SLC25A21: variants seen among roughly 807,000 people sequenced by gnomAD.
SLC25A21 encodes the protein solute carrier family 25 member 21.
Under a neutral mutation model 43.8 loss-of-function variants are expected in SLC25A21, and 47 were observed. The ratio of observed to expected loss-of-function variants is 1.07; its 90% confidence interval spans 0.85 to 1.37. The LOEUF is 1.37. Among genes scored for constraint, SLC25A21 ranks in the 40% most tolerant of loss-of-function variants. The probability of loss-of-function intolerance (pLI) is 0.00; values close to 1 mark genes in which losing one functional copy is unlikely to be tolerated. For missense variants in SLC25A21, 352 were observed against 350.2 expected (o/e 1.00, Z -0.04); for synonymous variants, 131 against 121.3 (o/e 1.08, Z -0.52).
intron 1 of SLC25A21, among the ~76,000 whole-genome samples, chr14:37,006,067 G>A (rs374753667): frequency 2.0e-5 from 3 of 152,276 alleles, no homozygotes; most frequent in African/African-American, 7.2e-5. Flanking sequence ...AAGTTTAGAT[G>A]TGACAAGGCA....
intron 1 of SLC25A21, among the ~76,000 whole-genome samples, chr14:37,130,705 T>C (rs1371104035): frequency 1.3e-5 from 2 of 152,198 alleles, no homozygotes; most frequent in African/African-American, 4.8e-5. Context: ...CCAGAGAAGA[T>C]CTGGTGGTTT....
At chr14:36,939,687 A>G (rs1892509579) in intron 1 of SLC25A21, among the ~76,000 whole-genome samples, 1 of 152,098 alleles carries the variant, frequency 6.6e-6, no homozygotes, top group South Asian at 2.1e-4. Context: ...AATGTATTTA[A>G]TATTTAAATA....
intron 1 of SLC25A21, among the ~76,000 whole-genome samples, chr14:37,053,814 G>A (rs1961761336): frequency 6.6e-6 from 1 of 152,132 alleles, no homozygotes; most frequent in Non-Finnish European, 1.5e-5. Flanking sequence ...CAACTAAAGA[G>A]TCTCACATTA....
intron 3 of SLC25A21, among the ~76,000 whole-genome samples, chr14:36,755,501 T>C (rs897741076): frequency 6.6e-6 from 1 of 152,142 alleles, no homozygotes; most frequent in African/African-American, 2.4e-5. Context: ...CAAACTCCCA[T>C]GGGGCATGGC....
At chr14:37,031,761 A>C (rs992154534) in intron 1 of SLC25A21, among the ~76,000 whole-genome samples, 15 of 152,210 alleles carry the variant, frequency 9.9e-5, no homozygotes, top group African/African-American at 3.4e-4. Context: ...CTATCATTCC[A>C]CAGCCATCAT....
At chr14:36,988,508 G>A (rs989677801) in intron 1 of SLC25A21, among the ~76,000 whole-genome samples, 2 of 152,088 alleles carry the variant, frequency 1.3e-5, no homozygotes, top group Admixed American at 6.6e-5. Context: ...AAGCCAAAAT[G>A]GGAAATTTTC....
At chr14:37,070,887 C>G (rs1364260027) in intron 1 of SLC25A21, among the ~76,000 whole-genome samples, 1 of 152,142 alleles carries the variant, frequency 6.6e-6, no homozygotes, top group African/African-American at 2.4e-5. Flanking sequence ...TCAGGTTCAC[C>G]TCATCTTAAT....
chr14:37,133,928 G>A (rs1470600491), intron 1 of SLC25A21, among the ~76,000 whole-genome samples: 1 of 152,102 alleles, frequency 6.6e-6, no homozygotes, highest in East Asian at 1.9e-4. Flanking sequence ...GGAGGCTCCT[G>A]CAGGTGCAGG....
intron 1 of SLC25A21, among the ~76,000 whole-genome samples, chr14:36,878,261 G>C (rs1890605751): frequency 6.6e-6 from 1 of 152,234 alleles, no homozygotes; most frequent in East Asian, 1.9e-4. Flanking sequence ...AGGAAAATGG[G>C]ACCTAAATGG....
intron 3 of SLC25A21, among the ~76,000 whole-genome samples, chr14:36,793,032 G>T (rs1887545780): frequency 6.6e-6 from 1 of 152,046 alleles, no homozygotes; most frequent in Non-Finnish European, 1.5e-5. Flanking sequence ...CTCTGAAATG[G>T]CGTCTTATAC....
Position 37,107,648 on chromosome 14 carries a change from G to A in SLC25A21, c.70+64633C>T, listed in dbSNP as rs184571823. On this transcript the variant is annotated intron_variant, in intron 1 of 9. Coordinates refer to ENST00000331299, the MANE Select transcript of SLC25A21 (RefSeq NM_030631.4). ...TCAATCCATATCATAGCCCTATAAT[G>A]TAAATATTGTTATTGTTATCATCCC... Among the ~76,000 whole-genome samples, 3 of 152,226 alleles carry A rather than the reference G, an allele frequency of 2.0e-5. No homozygotes were observed. The East Asian group carries it at 5.8e-4, about 29-fold the overall frequency.
intron 1 of SLC25A21, among the ~76,000 whole-genome samples, chr14:37,016,824 C>T (rs146524296): frequency 3.9e-5 from 6 of 152,188 alleles, no homozygotes; most frequent in Admixed American, 3.3e-4. Flanking sequence ...TTGCACTTTT[C>T]TGTTATGAAG....
chr14:36,804,267 T>C lies in SLC25A21; in HGVS notation c.203+9651A>G, dbSNP rs7158904. 7.2e-3 allele frequency among the ~76,000 whole-genome samples: 1,094 copies of C among 152,290 alleles called. 12 individuals carry two copies. Among genetic ancestry groups the C allele is most frequent in the African/African-American group, 0.025 (1,045 of 41,562 alleles). The stretch of plus-strand genomic sequence containing the variant: ...ATTCAGCCAACTGAGATGAGATATG[T>C]ACAAGGCTTTGAACCCAAAGAGGGA... On this transcript the variant is annotated intron_variant, in intron 3 of 9. Transcript: ENST00000331299.
At chr14:37,088,540 T>C (rs1382112127) in intron 1 of SLC25A21, among the ~76,000 whole-genome samples, 1 of 152,216 alleles carries the variant, frequency 6.6e-6, no homozygotes, top group East Asian at 1.9e-4. Flanking sequence ...AAATCGATTG[T>C]TCAAAAATCT....
chr14:37,117,965 C>CT (rs1309466219), intron 1 of SLC25A21, among the ~76,000 whole-genome samples: 1 of 151,712 alleles, frequency 6.6e-6, no homozygotes, highest in African/African-American at 2.4e-5. Flanking sequence ...CAAAATGATT[C>CT]TTTTTTGTAT....
chr14:37,136,668 T>C (rs1963484573), intron 1 of SLC25A21, among the ~76,000 whole-genome samples: 2 of 152,104 alleles, frequency 1.3e-5, no homozygotes, highest in African/African-American at 2.4e-5. Flanking sequence ...CCTTAAATAG[T>C]TGAATGGATA....
intron 1 of SLC25A21, among the ~76,000 whole-genome samples, chr14:37,025,657 T>C (rs1961077323): frequency 6.6e-6 from 1 of 152,136 alleles, no homozygotes; most frequent in African/African-American, 2.4e-5. Flanking sequence ...TCCTTCAAAT[T>C]AAAAGAGTTC....
intron 3 of SLC25A21, 69 bp from the exon 4 acceptor site, chr14:36,734,642 G>T: frequency 8.2e-7 from 1 of 1,221,488 alleles, no homozygotes; most frequent in Non-Finnish European, 1.2e-6. Flanking sequence ...ACTTTGTTAA[G>T]ATAATCCTAA....
In SLC25A21 at chr14:37,165,044, A is replaced by G. The variant is rs1181229624; in HGVS notation, c.70+7237T>C. On this transcript the variant is annotated intron_variant, in intron 1 of 9. Transcript: ENST00000331299. ...AGCAATGAACTGCAGGGAGATGCAC[A>G]AAGTAAAAACAGAGTAATTGATGGA... Among the ~76,000 whole-genome samples, 6 of 152,254 alleles carry G rather than the reference A, an allele frequency of 3.9e-5. No homozygotes were observed. The East Asian group carries it at 1.2e-3, about 29-fold the overall frequency.
Sources: allele counts gnomAD v4.1 joint callset (sites outside exome capture counted in the v4.1 genomes callset), GRCh38; gene constraint gnomAD v4.1.1; transcripts MANE v1.5; gene names NCBI Gene and HGNC (gene_info 2026-07-23, HGNC 2026-07-21).